CNTNAP2: variants seen among roughly 807,000 people sequenced by gnomAD.
CNTNAP2 encodes contactin associated protein 2.
Under a neutral mutation model 155.2 loss-of-function variants are expected in CNTNAP2, and 98 were observed. The ratio of observed to expected loss-of-function variants is 0.63; its 90% confidence interval spans 0.54 to 0.75. The LOEUF (loss-of-function observed/expected upper bound fraction) is 0.75. Ranked by LOEUF, CNTNAP2 falls within the 30% of genes least tolerant of loss-of-function variation. The pLI is 0.00. For missense variants in CNTNAP2, 1,727 were observed against 1,688.1 expected (o/e 1.02, Z -0.40); for synonymous variants, 651 against 631.2 (o/e 1.03, Z -0.47).
chr7:148,028,162 A>G (rs1390155768), intron 15 of CNTNAP2, among the ~76,000 whole-genome samples: 1 of 152,216 alleles, frequency 6.6e-6, no homozygotes, highest in Non-Finnish European at 1.5e-5. Flanking sequence ...AATCGGTGTC[A>G]TAAGGTTACT....
chr7:147,342,791 A>G (rs1324125014), intron 9 of CNTNAP2, among the ~76,000 whole-genome samples: 1 of 152,210 alleles, frequency 6.6e-6, no homozygotes, highest in South Asian at 2.1e-4. Flanking sequence ...AAAAATATTA[A>G]TAAGTGTTGA....
chr7:148,370,276 C>T (rs924758267), intron 21 of CNTNAP2, among the ~76,000 whole-genome samples: 1 of 152,188 alleles, frequency 6.6e-6, no homozygotes. Flanking sequence ...CTGGTTCTAT[C>T]CATCTTTGTG....
chr7:147,670,637 G>C (rs1279791240), intron 13 of CNTNAP2, among the ~76,000 whole-genome samples: 1 of 152,190 alleles, frequency 6.6e-6, no homozygotes, highest in Non-Finnish European at 1.5e-5. Flanking sequence ...AATCTGGCCA[G>C]AGATGGCCAG....
intron 1 of CNTNAP2, among the ~76,000 whole-genome samples, chr7:146,404,002 G>A (rs1019454950): frequency 6.5e-4 from 97 of 150,130 alleles, no homozygotes; most frequent in African/African-American, 2.1e-3. Context: ...GCGGGCGCCT[G>A]TAGTCCCAGC....
chr7:147,284,274 T>A (rs1019401376), intron 8 of CNTNAP2, among the ~76,000 whole-genome samples: 1 of 151,892 alleles, frequency 6.6e-6, no homozygotes, highest in East Asian at 1.9e-4. Flanking sequence ...AGGAATCTTG[T>A]AATTCAGCTG....
At chr7:146,160,291 G>T (rs556449280) in intron 1 of CNTNAP2, among the ~76,000 whole-genome samples, 16 of 152,154 alleles carry the variant, frequency 1.1e-4, no homozygotes, top group Admixed American at 3.9e-4. Context: ...AACTAGAAAA[G>T]CACGAGCAAA....
chr7:146,302,770 T>C (rs1002708080), intron 1 of CNTNAP2, among the ~76,000 whole-genome samples: 1 of 152,128 alleles, frequency 6.6e-6, no homozygotes, highest in Non-Finnish European at 1.5e-5. Flanking sequence ...ATCACCATCA[T>C]CATCTTATTA....
At chr7:146,933,430 A>G (rs1197486313) in intron 3 of CNTNAP2, among the ~76,000 whole-genome samples, 1 of 151,482 alleles carries the variant, frequency 6.6e-6, no homozygotes, top group Admixed American at 6.6e-5. Flanking sequence ...CTTATACAAA[A>G]ATTAATTCAG....
intron 21 of CNTNAP2, among the ~76,000 whole-genome samples, chr7:148,289,872 C>T (rs1585245975): frequency 1.3e-5 from 2 of 152,310 alleles, no homozygotes; most frequent in South Asian, 4.1e-4. Flanking sequence ...AGAAACTCTG[C>T]TGATGATGAA....
At chr7:147,051,170 A>G (rs1423256193) in intron 4 of CNTNAP2, among the ~76,000 whole-genome samples, 3 of 128,108 alleles carry the variant, frequency 2.3e-5, no homozygotes, top group Admixed American at 7.6e-5. Context: ...ACAATATTAT[A>G]TATACATATA....
chr7:147,689,265 C>T (rs148930426), intron 13 of CNTNAP2, among the ~76,000 whole-genome samples: 2,481 of 151,652 alleles, frequency 0.016, 222 homozygotes, highest in Admixed American at 0.15. Flanking sequence ...TTTTCCTGTG[C>T]CAGTCCCCTG....
At chr7:147,719,036 A>G (rs2117025187) in intron 13 of CNTNAP2, among the ~76,000 whole-genome samples, 1 of 152,286 alleles carries the variant, frequency 6.6e-6, no homozygotes, top group South Asian at 2.1e-4. Flanking sequence ...TAATGGGCAT[A>G]AAGAGATGCT....
intron 10 of CNTNAP2, among the ~76,000 whole-genome samples, chr7:147,460,417 C>T (rs1460356323): frequency 1.3e-5 from 2 of 152,134 alleles, no homozygotes; most frequent in African/African-American, 4.8e-5. Context: ...CCTCGCCCCC[C>T]TACCTCCCAT....
At chr7:147,854,136 C>A (rs1798997424) in intron 13 of CNTNAP2, among the ~76,000 whole-genome samples, 1 of 152,124 alleles carries the variant, frequency 6.6e-6, no homozygotes, top group Non-Finnish European at 1.5e-5. Flanking sequence ...CCAGCTAATT[C>A]TTCTATCTAG....
At chr7:146,548,714 G>T (rs1276983468) in intron 1 of CNTNAP2, among the ~76,000 whole-genome samples, 1 of 147,378 alleles carries the variant, frequency 6.8e-6, no homozygotes. Flanking sequence ...TGTTGTTTTT[G>T]TTAGTGAGTT....
chr7:147,935,413 C>T (rs1800587577), intron 14 of CNTNAP2, among the ~76,000 whole-genome samples: 1 of 152,232 alleles, frequency 6.6e-6, no homozygotes, highest in African/African-American at 2.4e-5. Context: ...GCGTGAGCCA[C>T]TGCGCCCAGC....
intron 8 of CNTNAP2, among the ~76,000 whole-genome samples, chr7:147,193,296 A>G (rs1440826509): frequency 1.3e-5 from 2 of 152,236 alleles, no homozygotes; most frequent in African/African-American, 4.8e-5. Flanking sequence ...AAAAGTAGGC[A>G]ATGAGCTGGA....
At chr7:146,891,300 G>A (rs1406490828) in intron 3 of CNTNAP2, among the ~76,000 whole-genome samples, 4 of 152,122 alleles carry the variant, frequency 2.6e-5, no homozygotes, top group Admixed American at 1.3e-4. Context: ...ATTGGGTACT[G>A]TGATCACTAT....
At chr7:146,504,621 G>A (rs6945701) in intron 1 of CNTNAP2, among the ~76,000 whole-genome samples, 1,760 of 152,210 alleles carry the variant, frequency 0.012, 31 homozygotes, top group Middle Eastern at 0.065. Context: ...CTACAGTTAC[G>A]ACACCTGCTC....
Sources: allele counts gnomAD v4.1 joint callset (sites outside exome capture counted in the v4.1 genomes callset), GRCh38; gene constraint gnomAD v4.1.1; transcripts MANE v1.5; gene names NCBI Gene and HGNC (gene_info 2026-07-23, HGNC 2026-07-21).